CLASP1: variants seen among roughly 807,000 people sequenced by gnomAD.
CLASP1 encodes the protein CLIP-associating protein 1.
CLASP1 carries 38 observed loss-of-function variants against 192.3 expected under a neutral mutation model. The observed-to-expected ratio is 0.20, with a 90% CI of 0.15 to 0.26. The LOEUF (loss-of-function observed/expected upper bound fraction) is 0.26. Among genes scored for constraint, CLASP1 ranks in the 10% least tolerant of loss-of-function variants. CLASP1 has a pLI of 1.00. For missense variants in CLASP1, 1,433 were observed against 1,932.5 expected, an observed-to-expected ratio of 0.74 and a Z score of 4.85; for synonymous variants, 691 against 712.8, an observed-to-expected ratio of 0.97 and a Z score of 0.49.
At chr2:121,373,342 G>A (rs1274503839) in intron 34 of CLASP1, among the ~76,000 whole-genome samples, 2 of 152,220 alleles carry the variant, frequency 1.3e-5, no homozygotes, top group African/African-American at 4.8e-5. Flanking sequence ...CTGTAGAACT[G>A]TGAGTCAATT....
intron 26 of CLASP1, chr2:121,403,580 G>C: frequency 2.3e-6 from 1 of 444,058 alleles, no homozygotes; most frequent in African/African-American, 2.0e-5. Flanking sequence ...GCTCATTTAA[G>C]GTTCTATCCA....
intron 33 of CLASP1, among the ~76,000 whole-genome samples, chr2:121,377,972 T>C (rs531696883): frequency 3.3e-4 from 51 of 152,280 alleles, no homozygotes; most frequent in Non-Finnish European, 6.6e-4. Flanking sequence ...AAAATAACTT[T>C]CTTATTTTGA....
intron 1 of CLASP1, among the ~76,000 whole-genome samples, chr2:121,630,881 C>T (rs1324191235): frequency 5.4e-5 from 8 of 149,346 alleles, no homozygotes; most frequent in Non-Finnish European, 7.4e-5. Flanking sequence ...AAAAAGAGGC[C>T]GGGCGCAGTG....
At chr2:121,631,453 A>G (rs2069639252) in intron 1 of CLASP1, among the ~76,000 whole-genome samples, 1 of 151,356 alleles carries the variant, frequency 6.6e-6, no homozygotes, top group Admixed American at 6.6e-5. Flanking sequence ...AGGCCCAGCT[A>G]ATTTTTGTAT....
chr2:121,606,525 A>C (rs1281215948), intron 1 of CLASP1, among the ~76,000 whole-genome samples: 1 of 152,176 alleles, frequency 6.6e-6, no homozygotes, highest in Non-Finnish European at 1.5e-5. Flanking sequence ...CAGAAATCTA[A>C]CACCACTCTG....
chr2:121,413,266 C>T (rs1329968574), intron 23 of CLASP1, among the ~76,000 whole-genome samples: 1 of 151,642 alleles, frequency 6.6e-6, no homozygotes, highest in Non-Finnish European at 1.5e-5. Flanking sequence ...GTTTCAAAAA[C>T]AAAAAACAAA....
chr2:121,344,315 CTTATT>C (rs890299236), intron 39 of CLASP1, among the ~76,000 whole-genome samples: 2 of 151,844 alleles, frequency 1.3e-5, no homozygotes, highest in African/African-American at 4.8e-5. Context: ...CCTGGTATCA[CTTATT>C]TTTTTTCTTA....
intron 2 of CLASP1, among the ~76,000 whole-genome samples, chr2:121,586,276 G>A (rs1013802397): frequency 1.1e-4 from 17 of 151,930 alleles, no homozygotes; most frequent in Non-Finnish European, 2.2e-4. Context: ...CCAGGCACAC[G>A]CCACCACGCC....
At chr2:121,476,698 ATC>A (rs966275045) in intron 8 of CLASP1, among the ~76,000 whole-genome samples, 3 of 152,170 alleles carry the variant, frequency 2.0e-5, no homozygotes, top group African/African-American at 7.2e-5. Context: ...AAAGACAACT[ATC>A]TCTCTGCTTC....
chr2:121,363,671 T>C (rs181422751), intron 36 of CLASP1, among the ~76,000 whole-genome samples: 9 of 152,322 alleles, frequency 5.9e-5, no homozygotes, highest in Admixed American at 2.0e-4. Context: ...AAATTATGCT[T>C]CTGTAAAATG....
chr2:121,578,546 G>A (rs868555672), intron 2 of CLASP1, among the ~76,000 whole-genome samples: 16 of 151,272 alleles, frequency 1.1e-4, no homozygotes, highest in African/African-American at 3.6e-4. Flanking sequence ...TGGCCAACAC[G>A]GTGAAACCCC....
At chr2:121,556,909 A>T (rs1277398017) in intron 2 of CLASP1, among the ~76,000 whole-genome samples, 1 of 152,226 alleles carries the variant, frequency 6.6e-6, no homozygotes, top group Non-Finnish European at 1.5e-5. Flanking sequence ...TGCAAACAGC[A>T]GTACCTGTAG....
At chr2:121,633,234 G>A (rs6650784) in intron 1 of CLASP1, among the ~76,000 whole-genome samples, 8 of 151,946 alleles carry the variant, frequency 5.3e-5, no homozygotes, top group African/African-American at 1.2e-4. Flanking sequence ...AAGATGAAGC[G>A]AATTCTCATA....
chr2:121,638,737 G>A (rs559314880), intron 1 of CLASP1, among the ~76,000 whole-genome samples: 1 of 150,488 alleles, frequency 6.6e-6, no homozygotes, highest in South Asian at 2.1e-4. Flanking sequence ...GCATGATCTC[G>A]GCTCACTGCA....
chr2:121,494,682 A>T (rs975295756), intron 8 of CLASP1, among the ~76,000 whole-genome samples: 1 of 152,194 alleles, frequency 6.6e-6, no homozygotes, highest in Non-Finnish European at 1.5e-5. Flanking sequence ...TATGCAAAAT[A>T]CCTATGTCAC....
chr2:121,534,553 T>C (rs2094990710), intron 2 of CLASP1, among the ~76,000 whole-genome samples: 1 of 152,168 alleles, frequency 6.6e-6, no homozygotes, highest in African/African-American at 2.4e-5. Context: ...TGTTTGTTTT[T>C]TTGAGACAGA....
At chr2:121,592,549 T>C (rs563706885) in intron 2 of CLASP1, among the ~76,000 whole-genome samples, 61 of 152,356 alleles carry the variant, frequency 4.0e-4, no homozygotes, top group African/African-American at 1.4e-3. Context: ...CAACATAGGA[T>C]ATACATTTCA....
rs528106770 is a variant in CLASP1, at chr2:121,530,913, A to G, written c.196-588T>C. 4.7e-5 allele frequency: 33 copies of G among 699,340 alleles called. No homozygotes were observed. The highest frequency in any genetic ancestry group is 1.7e-4 in the African/African-American group (10 of 57,286). 43.3% of individuals were successfully genotyped at this position (699,340 alleles called of 1,614,324 possible). ...TTTTCTTGGGGTTGCGCTACTGTCCAATGAGCGCATAGTGAGGGCAGTACT... is the reference window on the plus strand; with the variant it reads ...TTTTCTTGGGGTTGCGCTACTGTCCGATGAGCGCATAGTGAGGGCAGTACT... On this transcript the variant is annotated intron_variant, in intron 2 of 39. Transcript: ENST00000263710.
At chr2:121,545,918 A>T (rs897284968) in intron 2 of CLASP1, among the ~76,000 whole-genome samples, 5 of 152,212 alleles carry the variant, frequency 3.3e-5, no homozygotes, top group Non-Finnish European at 5.9e-5. Context: ...TACTTAAAAA[A>T]AAAAAACTTT....
Sources: gnomAD v4.1 joint callset for allele counts (sites outside exome capture counted in the v4.1 genomes callset) on GRCh38, gnomAD v4.1.1 for gene constraint, MANE v1.5 for transcripts, NCBI Gene and HGNC (gene_info 2026-07-23, HGNC 2026-07-21) for gene names.